The following TMEM132D variants were observed in gnomAD, a reference collection of about 807,000 sequenced individuals.
The protein encoded by TMEM132D is mature OL transmembrane protein.
In TMEM132D, 21 loss-of-function variants were observed where a neutral mutation model predicts 62.3. That is an observed-to-expected ratio of 0.34 (90% CI 0.24 to 0.49). The LOEUF (loss-of-function observed/expected upper bound fraction) is 0.49. Ranked by LOEUF, TMEM132D falls within the 20% of genes least tolerant of loss-of-function variation. TMEM132D has a pLI of 0.99. For synonymous variants in TMEM132D, 621 were observed against 575.6 expected (o/e 1.08, Z -1.13); for missense variants, 1,346 against 1,402.8 (o/e 0.96, Z 0.65).
chr12:129,223,575 T>C (rs1879404919), intron 4 of TMEM132D, among the ~76,000 whole-genome samples: 1 of 152,134 alleles, frequency 6.6e-6, no homozygotes, highest in African/African-American at 2.4e-5. Context: ...CAGAACATAA[T>C]ATAAATGGCT....
intron 3 of TMEM132D, among the ~76,000 whole-genome samples, chr12:129,402,222 C>T (rs879064188): frequency 1.3e-5 from 2 of 152,172 alleles, no homozygotes; most frequent in Admixed American, 1.3e-4. Flanking sequence ...TTCTGAGAGT[C>T]TTGGTTATGA....
intron 1 of TMEM132D, among the ~76,000 whole-genome samples, chr12:129,721,184 T>A (rs1181692133): frequency 6.6e-6 from 1 of 152,158 alleles, no homozygotes; most frequent in Non-Finnish European, 1.5e-5. Context: ...TGGGCACGTG[T>A]GTTTTCATCC....
At chr12:129,255,965 G>A (rs905551860) in intron 4 of TMEM132D, among the ~76,000 whole-genome samples, 1 of 152,224 alleles carries the variant, frequency 6.6e-6, no homozygotes, top group African/African-American at 2.4e-5. Context: ...TGTGGGCAGC[G>A]AGTTAATACC....
rs1222598825 is a variant in TMEM132D at position 129,073,569 on chromosome 12, A to G, written c.*306T>C. ...TATCCAAATTGCTTTGATTCGAGAG[A>G]GAGAGGCTGTTCTTTCCTGGACGCT... On this transcript the variant is annotated 3_prime_UTR_variant, in exon 9 of 9. Transcript: ENST00000422113. The G allele has an allele frequency of 1.0e-5, 3 of 296,262 alleles. No individual in the cohort carries two copies. Among genetic ancestry groups the G allele is most frequent in the Non-Finnish European group, 1.9e-5 (3 of 160,778 alleles). 18.4% of individuals were successfully genotyped at this position (296,262 alleles called of 1,614,324 possible). A position where few individuals can be genotyped will look rare whatever the true frequency, so the allele number is the denominator to read the frequency against.
chr12:129,183,168 C>A (rs936808973), intron 5 of TMEM132D, among the ~76,000 whole-genome samples: 1 of 152,188 alleles, frequency 6.6e-6, no homozygotes, highest in Non-Finnish European at 1.5e-5. Context: ...AGACCAGGGT[C>A]AATATAAAGG....
At chr12:129,407,794 C>T (rs746654833) in intron 3 of TMEM132D, among the ~76,000 whole-genome samples, 5 of 149,432 alleles carry the variant, frequency 3.3e-5, no homozygotes, top group South Asian at 4.2e-4. Flanking sequence ...CCCAGCTACT[C>T]GGGAGGCTGA....
chr12:129,105,980 T>C (rs1875484563), intron 5 of TMEM132D, among the ~76,000 whole-genome samples: 1 of 151,746 alleles, frequency 6.6e-6, no homozygotes, highest in Admixed American at 6.6e-5. Context: ...ATGTTTATTG[T>C]GGCACTATTC....
intron 2 of TMEM132D, among the ~76,000 whole-genome samples, chr12:129,636,003 G>T (rs1004602183): frequency 3.3e-5 from 5 of 152,218 alleles, no homozygotes; most frequent in Non-Finnish European, 7.3e-5. Context: ...TTTGCACTTG[G>T]TTGAAAGAGT....
At chr12:129,207,244 A>AAATG (rs1565997250) in intron 5 of TMEM132D, among the ~76,000 whole-genome samples, 2 of 151,664 alleles carry the variant, frequency 1.3e-5, no homozygotes, top group Admixed American at 1.3e-4. Context: ...GGACAGTCAG[A>AAATG]AGATGAATAC....
intron 4 of TMEM132D, among the ~76,000 whole-genome samples, chr12:129,308,965 G>T (rs1443692277): frequency 1.3e-5 from 2 of 152,180 alleles, no homozygotes; most frequent in Admixed American, 1.3e-4. Context: ...GCAAAGAAGG[G>T]TACCTTAGGG....
chr12:129,571,058 G>A (rs370754213), intron 2 of TMEM132D, among the ~76,000 whole-genome samples: 6 of 152,178 alleles, frequency 3.9e-5, no homozygotes, highest in East Asian at 1.9e-4. Context: ...ATTAGACTAC[G>A]TTAGAGATAA....
rs117865400 is a variant in TMEM132D, at chr12:129,540,360, C to A, written c.969-9155G>T. Among the ~76,000 whole-genome samples, 907 of 152,280 alleles carry A rather than the reference C, an allele frequency of 6.0e-3. 36 individuals are homozygous for A. The South Asian group carries it at 0.094, about 16-fold the overall frequency. ...TTAGAGGCTCTGAAGTCAATGTCCC[C>A]ACCCCCACTACTCAAAATAAGTAAA... On this transcript the variant is annotated intron_variant, in intron 2 of 8. Transcript: ENST00000422113.
intron 3 of TMEM132D, among the ~76,000 whole-genome samples, chr12:129,435,806 A>G (rs1254224117): frequency 6.6e-6 from 1 of 152,142 alleles, no homozygotes; most frequent in African/African-American, 2.4e-5. Context: ...TATTATTTGG[A>G]ATGAGGACAG....
chr12:129,625,997 C>G (rs934676571), intron 2 of TMEM132D, among the ~76,000 whole-genome samples: 2 of 151,918 alleles, frequency 1.3e-5, no homozygotes, highest in Non-Finnish European at 2.9e-5. Context: ...AGGTGGCATA[C>G]GGCTATTAGA....
intron 2 of TMEM132D, among the ~76,000 whole-genome samples, chr12:129,635,331 A>G (rs1055005752): frequency 1.3e-5 from 2 of 152,220 alleles, no homozygotes; most frequent in Non-Finnish European, 2.9e-5. Flanking sequence ...GATCTCTATA[A>G]CGGTAAGTCC....
At chr12:129,241,691 T>A (rs1879942412) in intron 4 of TMEM132D, among the ~76,000 whole-genome samples, 1 of 152,224 alleles carries the variant, frequency 6.6e-6, no homozygotes. Context: ...TTGTCATAGA[T>A]AAAATTTTAT....
chr12:129,774,154 C>T (rs1421337969), intron 1 of TMEM132D, among the ~76,000 whole-genome samples: 1 of 152,170 alleles, frequency 6.6e-6, no homozygotes, highest in Non-Finnish European at 1.5e-5. Flanking sequence ...AGGAGTGTTG[C>T]CTGACCAGGG....
At chr12:129,886,520 C>T (rs1019054131) in intron 1 of TMEM132D, among the ~76,000 whole-genome samples, 3 of 152,148 alleles carry the variant, frequency 2.0e-5, no homozygotes, top group African/African-American at 4.8e-5. Flanking sequence ...GTCTTTGCAT[C>T]GCCCCTCCAT....
chr12:129,256,512 C>G (rs1880403941), intron 4 of TMEM132D, among the ~76,000 whole-genome samples: 1 of 152,116 alleles, frequency 6.6e-6, no homozygotes, highest in African/African-American at 2.4e-5. Flanking sequence ...CCTCCGCCTC[C>G]CAGCATTCAA....
Sources: gnomAD v4.1 joint callset for allele counts (sites outside exome capture counted in the v4.1 genomes callset) on GRCh38, gnomAD v4.1.1 for gene constraint, MANE v1.5 for transcripts, NCBI Gene and HGNC (gene_info 2026-07-23, HGNC 2026-07-21) for gene names.